TTN: variants seen among roughly 807,000 people sequenced by gnomAD.
TTN encodes titin.
TTN carries 1,525 observed loss-of-function variants against 3,223.0 expected under a neutral mutation model. The observed-to-expected ratio is 0.47, with a 90% confidence interval of 0.45 to 0.49. The LOEUF (loss-of-function observed/expected upper bound fraction) is 0.49, where lower values mean the gene tolerates loss of function less well. Among genes scored for constraint, TTN ranks in the 20% least tolerant of loss-of-function variants. The pLI is 0.00. For missense variants in TTN, 40,786 were observed against 43,424.0 expected (o/e 0.94, Z 5.40); for synonymous variants, 14,094 against 15,161.0 (o/e 0.93, Z 5.17).
At chr2:178,795,385 G>A (rs1481197887) in intron 6 of TTN, 133 bp from the exon 7 acceptor site, 4 of 768,926 alleles carry the variant, frequency 5.2e-6, no homozygotes, top group Middle Eastern at 6.8e-4. Flanking sequence ...CATTCAGAGG[G>A]TAAATAATGT....
At position 178,608,376 on chromosome 2, in the gene TTN, C is replaced by G; in HGVS notation, c.52507G>C (p.Gly17503Arg). 1 of 1,611,636 alleles carries G rather than the reference C, an allele frequency of 6.2e-7. No homozygotes were observed. The highest frequency in any genetic ancestry group is 1.1e-5 in the South Asian group (1 of 90,834). Reference protein sequence around the residue: ...EPKDNGSPILGYWLEKREVNS... With the variant: ...EPKDNGSPILRYWLEKREVNS... ...ACTTCACGTTTTTCAAGCCAGTAAC[C>G]CAAAATGGGGCTTCCATTATCTTTT... Residue 17503 changes from glycine to arginine, a missense_variant, in exon 275 of 363, where the codon GGT becomes CGT. Transcript: ENST00000589042.
Position 178,586,631 on chromosome 2 carries a change from G to C in TTN, c.64270C>G (p.Leu21424Val). The C allele has an allele frequency of 1.2e-6, 2 of 1,613,168 alleles. No homozygotes were observed. Among genetic ancestry groups the C allele is most frequent in the Non-Finnish European group, 8.5e-7 (1 of 1,179,406 alleles). The change falls in exon 308 of 363, where the codon CTG (leucine) becomes GTG (valine). Residue 21424 changes from leucine (L) to valine (V), a missense_variant. By Grantham distance (32) the Leu-to-Val change is conservative. Transcript: ENST00000589042. ...RWTEYSVVKD[L>V]SLVVTGLKEG... ...TTTAGGCCAGTGACAACAAGGCTCA[G>C]ATCTTTTACCACTGAGTACTCTGTC...
Position 178,614,167 on chromosome 2 carries a change from G to A in TTN, c.49230C>T (p.Phe16410=). The A allele has an allele frequency of 6.2e-7, 1 of 1,612,468 alleles. No individual in the cohort carries two copies. The highest frequency in any genetic ancestry group is 1.1e-5 in the South Asian group (1 of 91,036). Reference sequence around the variant, plus strand: ...TATTGGGGATTAATTTGGTGGCCTTGAAGTTTGTATCCTTGACGGTGGATG... The same window carrying A: ...TATTGGGGATTAATTTGGTGGCCTTAAAGTTTGTATCCTTGACGGTGGATG... The part of the protein sequence containing the change: ...KLSSTVKDTN[F]KATKLIPNKE... The change falls in exon 262 of 363, where the codon TTC becomes TTT. Residue 16410 remains phenylalanine, a synonymous_variant. Coordinates refer to ENST00000589042, the MANE Select transcript of TTN (RefSeq NM_001267550.2).
At position 178,554,162 on chromosome 2, in the gene TTN, A is replaced by C. The variant is rs778289640; in HGVS notation, c.88949T>G (p.Met29650Arg). ...AATTGGCCTGCTCCATACAACAGTCATCGAATTCTTGGTAATCTTTGTCAC... is the reference window on the plus strand; with the variant it reads ...AATTGGCCTGCTCCATACAACAGTCCTCGAATTCTTGGTAATCTTTGTCAC... ...PEVTKITKNS[M>R]TVVWSRPIAD... is the part of the protein sequence containing the mutation. Residue 29650 changes from methionine to arginine, a missense_variant, in exon 333 of 363, where the codon ATG (methionine) becomes AGG (arginine). Coordinates refer to ENST00000589042, the MANE Select transcript of TTN (RefSeq NM_001267550.2). The C allele has an allele frequency of 6.2e-7, 1 of 1,610,568 alleles. No homozygotes were observed. Among genetic ancestry groups the C allele is most frequent in the African/African-American group, 1.3e-5 (1 of 74,646 alleles).
At position 178,546,255 on chromosome 2, in the gene TTN, A is replaced by C. The variant is rs769796501; in HGVS notation, c.95076T>G (p.Asn31692Lys). Residue 31692 changes from asparagine (N) to lysine (K), a missense_variant, in exon 342 of 363, where the codon AAT (asparagine) becomes AAG (lysine). By Grantham distance (94) the Asn-to-Lys change is moderately conservative. Transcript: ENST00000589042. ...CAGACACGGCCTTGGTCCCGCTGGC[A>C]TTTTTCACTGTTAAAGTGTATTTTC... Reference protein sequence around the residue: ...DSGKYTLTVKNASGTKAVSVM... With the variant: ...DSGKYTLTVKKASGTKAVSVM... 4 of 1,613,312 alleles carry C rather than the reference A, an allele frequency of 2.5e-6. No homozygotes were observed. The South Asian group carries it at 4.4e-5, about 18-fold the overall frequency.
In TTN at chr2:178,728,887, A is replaced by G. The variant is rs758592804; in HGVS notation, c.19147+4T>C. 4.4e-6 allele frequency: 7 copies of G among 1,588,406 alleles called. No individual in the cohort carries two copies. The East Asian group carries it at 1.4e-4, about 31-fold the overall frequency. ...CTATCTTTGAAAGAGAATAGCTTAC[A>G]AACCTTGTACTAAAAGGAAAGCATA... On this transcript the variant is annotated splice_donor_region_variant and intron_variant, in intron 65 of 362. Coordinates refer to ENST00000589042, the MANE Select transcript of TTN (RefSeq NM_001267550.2).
chr2:178,736,986 C>A (rs139374368), intron 49 of TTN, among the ~76,000 whole-genome samples: 61 of 152,234 alleles, frequency 4.0e-4, no homozygotes, highest in Non-Finnish European at 7.2e-4. Context: ...GACCAAGGGA[C>A]AGCCTTCCCC....
In TTN at chr2:178,730,116, C is replaced by A; in HGVS notation, c.18284G>T (p.Ser6095Ile). The change falls in exon 62 of 363, where the codon AGC (serine) becomes ATC (isoleucine). Residue 6095 changes from serine to isoleucine, a missense_variant. By Grantham distance (142) the Ser-to-Ile change is moderately radical (BLOSUM62 -2). Transcript: ENST00000589042. ...QLSNDVGTAT[S>I]KATLFVKEPP... ...ACCTTTTACAAAGAGAGTGGCTTTG[C>A]TGGTTGCTGTGCCAACATCATTGCT... 1 of 1,506,578 alleles carries A rather than the reference C, an allele frequency of 6.6e-7. No individual in the cohort carries two copies. Among genetic ancestry groups the A allele is most frequent in the Non-Finnish European group, 9.0e-7 (1 of 1,114,600 alleles). The allele number at this position is 1,506,578 out of a possible 1,614,324, so 93.3% of individuals were successfully genotyped here. A position where few individuals can be genotyped will look rare whatever the true frequency, so the allele number is the denominator to read the frequency against.
At position 178,575,271 on chromosome 2, in the gene TTN, G is replaced by T; in HGVS notation, c.70861C>A (p.Pro23621Thr). The T allele has an allele frequency of 6.2e-7, 1 of 1,613,316 alleles. No individual in the cohort carries two copies. The highest frequency in any genetic ancestry group is 8.5e-7 in the Non-Finnish European group (1 of 1,179,562). The change falls in exon 326 of 363, where the codon CCC (proline) becomes ACC (threonine). Residue 23621 changes from proline (P) to threonine (T), a missense_variant. Physicochemically the swap from Pro to Thr is conservative, Grantham distance 38. Transcript: ENST00000589042. This position sits in a 1 kb window ranked among gnomAD's most constrained non-coding sequence, Gnocchi z 4.0. ...ATTGTCTGCTCCTTGACAATGACGG[G>T]TCTGCTTTCTCTAGGGGCACTTCTC... ...AGRSAPRESR[P>T]VIVKEQTMLP...
chr2:178,665,473 T>C lies in TTN; in HGVS notation c.35960-13A>G. 12 of 1,611,408 alleles carry C rather than the reference T, an allele frequency of 7.4e-6. No individual in the cohort carries two copies. The highest frequency in any genetic ancestry group is 1.0e-5 in the Non-Finnish European group (12 of 1,178,758). On this transcript the variant is annotated splice_polypyrimidine_tract_variant and intron_variant, in intron 164 of 362. Transcript: ENST00000589042. ...ATAGCTTCTGGTGCTTTGAAGATAT[T>C]AGTATTATGGTTAGAGGTTAAAAGG...
chr2:178,616,673 C>T (rs565208578), intron 256 of TTN, 43 bp from the exon 257 acceptor site: 1 of 1,611,864 alleles, frequency 6.2e-7, no homozygotes, highest in Admixed American at 1.7e-5. Flanking sequence ...ATAGTCTGAA[C>T]TAATATTTGT....
chr2:178,805,109 G>A (rs1296933441), intron 1 of TTN, among the ~76,000 whole-genome samples: 2 of 152,022 alleles, frequency 1.3e-5, no homozygotes, highest in Non-Finnish European at 2.9e-5. Context: ...TTAGGAGGCC[G>A]AGGCGGGAGG....
intron 242 of TTN, 122 bp downstream of exon 242, chr2:178,624,343 A>AAATTGC: frequency 8.1e-7 from 1 of 1,233,654 alleles, no homozygotes; most frequent in South Asian, 1.3e-5. Flanking sequence ...CAGTGTCAAT[A>AAATTGC]CTAGAAGTTG....
chr2:178,598,238 G>A (rs1450444686), intron 292 of TTN, among the ~76,000 whole-genome samples, 180 bp from the exon 293 acceptor site: 2 of 152,056 alleles, frequency 1.3e-5, no homozygotes, highest in African/African-American at 4.8e-5. Context: ...CTTGGCAGGA[G>A]TTATGCTTTA....
intron 282 of TTN, among the ~76,000 whole-genome samples, chr2:178,603,196 C>T (rs1375838397): frequency 6.6e-6 from 1 of 151,988 alleles, no homozygotes; most frequent in East Asian, 1.9e-4. Context: ...TACTAGTTTG[C>T]AAATGAATGA....
intron 151 of TTN, 69 bp from the exon 152 acceptor site, chr2:178,673,779 T>A: frequency 9.6e-7 from 1 of 1,039,844 alleles, no homozygotes; most frequent in Non-Finnish European, 1.4e-6. Flanking sequence ...CATATACCAA[T>A]AAATAAATAT....
chr2:178,617,239 G>A lies in TTN; in HGVS notation c.47761-5C>T, dbSNP rs749822598. 6 of 1,537,560 alleles carry A rather than the reference G, an allele frequency of 3.9e-6. No homozygotes were observed. The highest frequency in any genetic ancestry group is 1.7e-4 in the Middle Eastern group (1 of 5,916). On this transcript the variant is annotated splice_region_variant and splice_polypyrimidine_tract_variant and intron_variant, in intron 254 of 362. Transcript: ENST00000589042. Reference sequence around the variant, plus strand: ...TCCTTTTTCCAATCCGGTAACCTACGATTATGAATTAATATTTGTAAAAAA... The same window carrying A: ...TCCTTTTTCCAATCCGGTAACCTACAATTATGAATTAATATTTGTAAAAAA...
chr2:178,713,806 C>T (rs2077054529), intron 92 of TTN, 91 bp downstream of exon 92: 2 of 1,465,828 alleles, frequency 1.4e-6, no homozygotes, highest in African/African-American at 1.4e-5. Flanking sequence ...TCATGTTATC[C>T]TATAGAAGAT....
rs764293280 is a variant in TTN at position 178,775,196 on chromosome 2, T to A, written c.6515A>T (p.Gln2172Leu). The A allele has an allele frequency of 3.1e-6, 5 of 1,613,948 alleles. No individual in the cohort carries two copies. Among genetic ancestry groups the A allele is most frequent in the Non-Finnish European group, 4.2e-6 (5 of 1,179,968 alleles). The change falls in exon 29 of 363, where the codon CAA becomes CTA. Residue 2172 changes from glutamine to leucine, a missense_variant. By Grantham distance (113) the Gln-to-Leu change is moderately radical (BLOSUM62 -2). Coordinates refer to ENST00000589042, the MANE Select transcript of TTN (RefSeq NM_001267550.2). ...TAATTCCTGTGTGAAAGTGATCAATTGCTTGGCTACAAGAAAAAGGTGGGG... is the reference window on the plus strand; with the variant it reads ...TAATTCCTGTGTGAAAGTGATCAATAGCTTGGCTACAAGAAAAAGGTGGGG... Reference protein sequence around the residue: ...SHAFLLVQAKQLITFTQELQD... With the variant: ...SHAFLLVQAKLLITFTQELQD...
Sources: gnomAD v4.1 joint callset for allele counts (sites outside exome capture counted in the v4.1 genomes callset) on GRCh38, gnomAD v4.1.1 for gene constraint, Gnocchi (gnomAD v3.1) non-coding constraint, MANE v1.5 for transcripts, NCBI Gene and HGNC (gene_info 2026-07-23, HGNC 2026-07-21) for gene names.